STK11: variants seen among roughly 807,000 people sequenced by gnomAD.
STK11 encodes the protein serine/threonine kinase 11.
A neutral mutation model predicts 47.3 loss-of-function variants in STK11; 8 were observed. The observed-to-expected ratio is 0.17, with a 90% CI of 0.10 to 0.31. The LOEUF is 0.31. STK11 is among the 10% of genes least tolerant of loss of function. The pLI is 1.00. For synonymous variants in STK11, 330 were observed against 255.8 expected (o/e 1.29, Z -2.77); for missense variants, 475 against 605.0 (o/e 0.79, Z 2.25).
chr19:1,224,495 C>A (rs908255523), intron 8 of STK11: 13 of 985,310 alleles, frequency 1.3e-5, no homozygotes, highest in African/African-American at 3.5e-5. Flanking sequence ...AGACGGGCAG[C>A]CAGGCAAATC....
rs568634564 is a variant in STK11, at chr19:1,227,901, C to T, written c.*325C>T. On this transcript the variant is annotated 3_prime_UTR_variant, in exon 10 of 10. Transcript: ENST00000326873. Reference sequence around the variant, plus strand: ...AGACTACTGGCCCCGCCCGTGGCCTCGTGCTCCGCAGGGCGCCCAGCGCCG... The same window carrying T: ...AGACTACTGGCCCCGCCCGTGGCCTTGTGCTCCGCAGGGCGCCCAGCGCCG... The T allele has an allele frequency of 2.6e-5, 28 of 1,069,974 alleles. No individual in the cohort carries two copies. The East Asian group carries it at 1.0e-3, about 39-fold the overall frequency. The allele number at this position is 1,069,974 out of a possible 1,614,324, so 66.3% of individuals were successfully genotyped here.
At position 1,219,523 on chromosome 19, in the gene STK11, C is replaced by T. The variant is rs2080767554; in HGVS notation, c.464+110C>T. ...GTCCTGATATTCATTGACATGAAGGCCCAAGTTTTTTTGTTTTTTTGTTTT... is the reference window on the plus strand; with the variant it reads ...GTCCTGATATTCATTGACATGAAGGTCCAAGTTTTTTTGTTTTTTTGTTTT... On this transcript the variant is annotated intron_variant, in intron 3 of 9. Transcript: ENST00000326873. 3 of 1,237,926 alleles carry T rather than the reference C, an allele frequency of 2.4e-6. No individual in the cohort carries two copies. The East Asian group carries it at 7.8e-5, about 32-fold the overall frequency. The allele number at this position is 1,237,926 out of a possible 1,614,324, so 76.7% of individuals were successfully genotyped here.
At chr19:1,210,071 G>C (rs908001695) in intron 1 of STK11, among the ~76,000 whole-genome samples, 1 of 152,146 alleles carries the variant, frequency 6.6e-6, no homozygotes, top group Middle Eastern at 3.2e-3. Context: ...CCTGGTCACT[G>C]TCTGCCATCA....
intron 8 of STK11, among the ~76,000 whole-genome samples, 158 bp downstream of exon 8, chr19:1,223,330 C>T (rs2145431816): frequency 6.6e-6 from 1 of 152,336 alleles, no homozygotes; most frequent in African/African-American, 2.4e-5. Context: ...CTGCCTCCGC[C>T]CTGCGGGCCG....
intron 9 of STK11, chr19:1,226,981 G>A: frequency 2.8e-6 from 1 of 356,284 alleles, no homozygotes; most frequent in Non-Finnish European, 5.1e-6. Flanking sequence ...CCCTCCCCAT[G>A]CCCGCGCCGC....
intron 1 of STK11, among the ~76,000 whole-genome samples, chr19:1,210,524 G>A (rs1056993910): frequency 6.6e-6 from 1 of 152,112 alleles, no homozygotes; most frequent in African/African-American, 2.4e-5. Flanking sequence ...CGCTCTCACC[G>A]GCAAAAAGTA....
At chr19:1,217,703 C>T (rs886565951) in intron 1 of STK11, among the ~76,000 whole-genome samples, 2 of 152,212 alleles carry the variant, frequency 1.3e-5, no homozygotes, top group Non-Finnish European at 2.9e-5. Context: ...CTGCGGCCCA[C>T]CCTCCAAGGA....
intron 8 of STK11, 99 bp downstream of exon 8, chr19:1,223,271 C>T (rs992288388): frequency 8.0e-6 from 11 of 1,379,156 alleles, no homozygotes; most frequent in Non-Finnish European, 9.9e-6. Flanking sequence ...CAGCTTCTGC[C>T]CTCTGGTGGC....
chr19:1,208,865 C>T (rs543318422), intron 1 of STK11, among the ~76,000 whole-genome samples: 2 of 151,274 alleles, frequency 1.3e-5, no homozygotes, highest in East Asian at 3.9e-4. Flanking sequence ...TCGTGATCCA[C>T]CTGCCTCAGC....
rs2145436098 is a variant in STK11 at position 1,226,526 on chromosome 19, G to C, written c.1181G>C (p.Gly394Ala). 6.2e-7 allele frequency: 1 copy of C among 1,608,650 alleles called. No individual in the cohort carries two copies. Among genetic ancestry groups the C allele is most frequent in the Non-Finnish European group, 8.5e-7 (1 of 1,178,310 alleles). ...RGLPKAVCMN[G>A]TEAAQLSTKS... ...CTCCCCAAGGCCGTGTGTATGAACG[G>C]CACAGAGGCGGCGCAGCTGAGCACC... Residue 394 changes from glycine to alanine, a missense_variant, in exon 9 of 10, where the codon GGC (glycine) becomes GCC (alanine). Gly to Ala is a moderately conservative substitution (Grantham distance 60). Coordinates refer to ENST00000326873, the MANE Select transcript of STK11 (RefSeq NM_000455.5).
At chr19:1,219,752 A>G (rs1313305803) in intron 3 of STK11, among the ~76,000 whole-genome samples, 1 of 152,060 alleles carries the variant, frequency 6.6e-6, no homozygotes, top group East Asian at 1.9e-4. Context: ...TCACCGTGTT[A>G]GCCAGGATGG....
In STK11 at chr19:1,227,587, C is replaced by CTGCA; in HGVS notation, c.*17-5_*17-2dup. The stretch of plus-strand genomic sequence containing the variant: ...TGACCTCTTCCGTCTTCCTTCCACC[C>CTGCA]TGCAGCCCGTGTCCAGGAGCCCCGC... On this transcript the variant is annotated splice_region_variant and splice_polypyrimidine_tract_variant and intron_variant, in intron 9 of 9. Transcript: ENST00000326873. 1 of 1,064,674 alleles carries CTGCA rather than the reference C, an allele frequency of 9.4e-7. No individual in the cohort carries two copies. Among genetic ancestry groups the CTGCA allele is most frequent in the Non-Finnish European group, 1.1e-6 (1 of 878,844 alleles). 66.0% of individuals were successfully genotyped at this position (1,064,674 alleles called of 1,614,324 possible). A position where few individuals can be genotyped will look rare whatever the true frequency, so the allele number is the denominator to read the frequency against.
chr19:1,226,866 G>A, intron 9 of STK11: 1 of 618,516 alleles, frequency 1.6e-6, no homozygotes, highest in South Asian at 2.4e-5. Flanking sequence ...CCAGCGTGCT[G>A]GTCATGGAGG....
chr19:1,207,950 G>A (rs2080679853), intron 1 of STK11, among the ~76,000 whole-genome samples: 1 of 152,228 alleles, frequency 6.6e-6, no homozygotes, highest in Admixed American at 6.5e-5. Context: ...GGCAGCACTG[G>A]CCGGCCTGAG....
At chr19:1,222,716 C>A (rs2145430061) in intron 7 of STK11, among the ~76,000 whole-genome samples, 1 of 152,352 alleles carries the variant, frequency 6.6e-6, no homozygotes, top group South Asian at 2.1e-4. Context: ...GCTTTGCAGC[C>A]AGCATCCATC....
At chr19:1,220,993 G>A (rs1286777208) in intron 5 of STK11, among the ~76,000 whole-genome samples, 1 of 152,206 alleles carries the variant, frequency 6.6e-6, no homozygotes, top group Non-Finnish European at 1.5e-5. Context: ...GCGGGTGACA[G>A]CAGCTCCAGG....
chr19:1,207,624 G>C (rs1451672381), intron 1 of STK11, among the ~76,000 whole-genome samples: 1 of 152,204 alleles, frequency 6.6e-6, no homozygotes, highest in Non-Finnish European at 1.5e-5. Flanking sequence ...TGCGCAGTGT[G>C]TGGCCGTTAC....
rs544282452 is a variant in STK11, at chr19:1,219,452, C to CG, written c.464+44dup. On this transcript the variant is annotated intron_variant, in intron 3 of 9. Transcript: ENST00000326873. ...GCAGGGGCCAGGGTGGGGCGGGGGC[C>CG]GGGGGCCAGGCAGGGCAGGCTCCTT... 2.3e-3 allele frequency: 3,528 copies of CG among 1,514,534 alleles called. 67 individuals carry two copies. In the African/African-American group the frequency reaches 0.037, roughly 16 times the overall value. The allele number at this position is 1,514,534 out of a possible 1,614,324, so 93.8% of individuals were successfully genotyped here. A position where few individuals can be genotyped will look rare whatever the true frequency, so the allele number is the denominator to read the frequency against.
intron 3 of STK11, 132 bp from the exon 4 acceptor site, chr19:1,220,241 C>A: frequency 1.6e-6 from 2 of 1,251,466 alleles, no homozygotes; most frequent in Non-Finnish European, 2.2e-6. Flanking sequence ...TTTCCTCTGT[C>A]CTGTGTGCCT....
Sources: gnomAD v4.1 joint callset for allele counts (sites outside exome capture counted in the v4.1 genomes callset) on GRCh38, gnomAD v4.1.1 for gene constraint, MANE v1.5 for transcripts, NCBI Gene and HGNC (gene_info 2026-07-23, HGNC 2026-07-21) for gene names.